The following C12orf42 variants were observed in gnomAD, a reference collection of about 807,000 sequenced individuals.
The protein encoded by C12orf42 is chromosome 12 open reading frame 42.
A neutral mutation model predicts 21.6 loss-of-function variants in C12orf42; 25 were observed. That is an observed-to-expected ratio of 1.16 (90% CI 0.84 to 1.62). The LOEUF (loss-of-function observed/expected upper bound fraction) is 1.62, where lower values mean the gene tolerates loss of function less well. Among genes scored for constraint, C12orf42 ranks in the 40% most tolerant of loss-of-function variants. C12orf42 has a pLI of 0.00. For synonymous variants in C12orf42, 174 were observed against 175.0 expected, an observed-to-expected ratio of 0.99 and a Z score of 0.05; for missense variants, 483 against 459.3, an observed-to-expected ratio of 1.05 and a Z score of -0.47.
chr12:103,488,837 G>C (rs1274742610), intron 1 of C12orf42, among the ~76,000 whole-genome samples: 1 of 152,120 alleles, frequency 6.6e-6, no homozygotes, highest in Non-Finnish European at 1.5e-5. Context: ...GTTTATTCTA[G>C]TTAGCCATTC....
chr12:103,112,304 C>T, the C12orf42 span, among the ~76,000 whole-genome samples: 1 of 152,158 alleles, frequency 6.6e-6, no homozygotes, highest in Non-Finnish European at 1.5e-5. Context: ...GCCTTTGCTC[C>T]TTTCTATCTC....
intron 2 of C12orf42, among the ~76,000 whole-genome samples, chr12:103,413,217 C>T (rs1300306175): frequency 6.6e-6 from 1 of 152,168 alleles, no homozygotes; most frequent in Non-Finnish European, 1.5e-5. Context: ...GGAGTCCTTT[C>T]CCCATTGCTT....
chr12:103,560,397 T>G, the C12orf42 span, among the ~76,000 whole-genome samples: 2 of 10,678 alleles, frequency 1.9e-4, no homozygotes, highest in East Asian at 4.3e-3. Flanking sequence ...ATGGGCCACA[T>G]CCATTGACCT....
intron 2 of C12orf42, among the ~76,000 whole-genome samples, chr12:103,420,154 G>GT: frequency 6.6e-6 from 1 of 152,178 alleles, no homozygotes; most frequent in African/African-American, 2.4e-5. Context: ...GTAAACATAT[G>GT]TTTTTTCAAT....
chr12:103,286,813 T>C (rs1453657962), intron 4 of C12orf42, among the ~76,000 whole-genome samples: 2 of 152,060 alleles, frequency 1.3e-5, no homozygotes, highest in Non-Finnish European at 2.9e-5. Context: ...TCATGAATAA[T>C]TGAAAGCACT....
chr12:103,148,117 A>G, the C12orf42 span, among the ~76,000 whole-genome samples: 3 of 152,252 alleles, frequency 2.0e-5, no homozygotes, highest in Admixed American at 2.0e-4. Flanking sequence ...AAATGAATTC[A>G]CTCCATTCAA....
At chr12:103,153,733 C>T in the C12orf42 span, among the ~76,000 whole-genome samples, 2 of 152,028 alleles carry the variant, frequency 1.3e-5, no homozygotes, top group African/African-American at 2.4e-5. Context: ...GCAACCATCT[C>T]GCAAACTGTT....
chr12:103,433,805 A>AAAT (rs1428639615), intron 2 of C12orf42, among the ~76,000 whole-genome samples: 2 of 152,222 alleles, frequency 1.3e-5, no homozygotes, highest in Admixed American at 6.5e-5. Context: ...TTGGAAACAG[A>AAAT]AATATGAACT....
intron 4 of C12orf42, among the ~76,000 whole-genome samples, chr12:103,329,548 A>T (rs1031555513): frequency 5.3e-5 from 8 of 152,140 alleles, no homozygotes; most frequent in African/African-American, 1.2e-4. Flanking sequence ...AAAGTAAAAT[A>T]AAAATTAAAA....
intron 2 of C12orf42, among the ~76,000 whole-genome samples, chr12:103,431,726 A>G (rs1303030607): frequency 6.6e-6 from 1 of 152,186 alleles, no homozygotes; most frequent in Non-Finnish European, 1.5e-5. Context: ...AGTATTTTCT[A>G]TTATGATTTG....
At chr12:103,280,531 A>G (rs2036046302) in intron 4 of C12orf42, among the ~76,000 whole-genome samples, 2 of 152,146 alleles carry the variant, frequency 1.3e-5, no homozygotes, top group Non-Finnish European at 2.9e-5. Flanking sequence ...AGGCAGGAGA[A>G]TGACTTCAGC....
At chr12:103,541,006 C>T in the C12orf42 span, among the ~76,000 whole-genome samples, 3 of 152,146 alleles carry the variant, frequency 2.0e-5, no homozygotes, top group South Asian at 4.2e-4. Context: ...CGGGTTCAAG[C>T]GATTCTCCTG....
the C12orf42 span, among the ~76,000 whole-genome samples, chr12:103,136,864 C>T: frequency 1.1e-4 from 16 of 152,208 alleles, no homozygotes; most frequent in African/African-American, 3.9e-4. Context: ...CTATCTCTCA[C>T]CACTTAGAAA....
At chr12:103,156,170 A>C in the C12orf42 span, 1 of 152,290 alleles carries the variant, frequency 6.6e-6, no homozygotes, top group Non-Finnish European at 1.5e-5. Flanking sequence ...TGAATGTTCT[A>C]GTGACCAGGC....
At chr12:103,538,654 T>C in the C12orf42 span, among the ~76,000 whole-genome samples, 4,526 of 152,340 alleles carry the variant, frequency 0.03, 238 homozygotes, top group African/African-American at 0.1. Flanking sequence ...ACTGAGATCA[T>C]TGGTGGCACT....
intron 3 of C12orf42, among the ~76,000 whole-genome samples, chr12:103,386,503 A>G (rs770812962): frequency 2.6e-5 from 4 of 152,182 alleles, no homozygotes; most frequent in Non-Finnish European, 5.9e-5. Flanking sequence ...CACATCCACC[A>G]TGGGAAAACG....
chr12:103,395,448 G>A (rs2047443447), intron 3 of C12orf42, among the ~76,000 whole-genome samples: 1 of 150,734 alleles, frequency 6.6e-6, no homozygotes, highest in Non-Finnish European at 1.5e-5. Flanking sequence ...CCATTCTCCC[G>A]CCTCAGCCTC....
chr12:103,194,131 T>TA, the C12orf42 span, among the ~76,000 whole-genome samples: 74 of 147,182 alleles, frequency 5.0e-4, no homozygotes, highest in East Asian at 9.9e-4. Flanking sequence ...CATCTCATGC[T>TA]AAAAAAAAAA....
At chr12:103,395,358 C>T (rs1441003932) in intron 3 of C12orf42, among the ~76,000 whole-genome samples, 3 of 138,886 alleles carry the variant, frequency 2.2e-5, no homozygotes, top group East Asian at 2.2e-4. Context: ...TTTTTTGAGA[C>T]GGAGTCTCAC....
Sources: gnomAD v4.1 joint callset for allele counts (sites outside exome capture counted in the v4.1 genomes callset) on GRCh38, gnomAD v4.1.1 for gene constraint, MANE v1.5 for transcripts, NCBI Gene and HGNC (gene_info 2026-07-23, HGNC 2026-07-21) for gene names.